HMBOX1: variants seen among roughly 807,000 people sequenced by gnomAD.
HMBOX1 encodes homeobox-containing protein 1.
A neutral mutation model predicts 54.5 loss-of-function variants in HMBOX1; 14 were observed. The observed-to-expected ratio is 0.26, with a 90% CI of 0.17 to 0.40. The LOEUF (loss-of-function observed/expected upper bound fraction) is 0.40, where lower values mean the gene tolerates loss of function less well. Among genes scored for constraint, HMBOX1 ranks in the 10% least tolerant of loss-of-function variants. The probability of loss-of-function intolerance (pLI) is 1.00; values close to 1 mark genes in which losing one functional copy is unlikely to be tolerated. For synonymous variants in HMBOX1, 160 were observed against 181.0 expected (o/e 0.88, Z 0.93); for missense variants, 332 against 514.4 (o/e 0.65, Z 3.43).
At chr8:29,022,562 T>C (rs944749293) in intron 6 of HMBOX1, among the ~76,000 whole-genome samples, 1 of 152,202 alleles carries the variant, frequency 6.6e-6, no homozygotes, top group African/African-American at 2.4e-5. Flanking sequence ...CATCCATGTA[T>C]TGGATGTTGA....
At chr8:29,038,800 G>C (rs1804347384) in intron 6 of HMBOX1, among the ~76,000 whole-genome samples, 1 of 152,166 alleles carries the variant, frequency 6.6e-6, no homozygotes, top group South Asian at 2.1e-4. Context: ...AAATAAGTTT[G>C]ATCTTAGAAT....
chr8:28,980,409 G>A (rs1161016546), intron 4 of HMBOX1, among the ~76,000 whole-genome samples: 1 of 152,104 alleles, frequency 6.6e-6, no homozygotes, highest in Non-Finnish European at 1.5e-5. Flanking sequence ...GCTAGAAAAG[G>A]TTCCTATAGT....
intron 6 of HMBOX1, among the ~76,000 whole-genome samples, chr8:29,043,943 A>G (rs939372533): frequency 6.6e-6 from 1 of 152,162 alleles, no homozygotes; most frequent in African/African-American, 2.4e-5. Flanking sequence ...GCAGAAGACC[A>G]TGGTGGAGGG....
chr8:28,941,723 A>C (rs2132025132), intron 1 of HMBOX1, among the ~76,000 whole-genome samples: 1 of 152,366 alleles, frequency 6.6e-6, no homozygotes. Context: ...AAGTTTAAAA[A>C]AAAATTCAGT....
intron 1 of HMBOX1, among the ~76,000 whole-genome samples, chr8:28,900,292 T>TATA (rs1554519284): frequency 4.7e-5 from 4 of 84,584 alleles, no homozygotes; most frequent in Non-Finnish European, 1.1e-4. Context: ...ATATATATAT[T>TATA]TTGTTTCCTG....
chr8:28,951,374 G>A (rs978822772), intron 1 of HMBOX1, among the ~76,000 whole-genome samples: 3 of 152,014 alleles, frequency 2.0e-5, no homozygotes, highest in Non-Finnish European at 4.4e-5. Flanking sequence ...CTTATGATCC[G>A]CCCACCTCAG....
intron 1 of HMBOX1, among the ~76,000 whole-genome samples, chr8:28,901,164 T>A (rs1219960958): frequency 6.6e-6 from 1 of 152,170 alleles, no homozygotes; most frequent in Admixed American, 6.5e-5. Flanking sequence ...CCTGTTCTTT[T>A]TCCTAGGTAA....
At chr8:28,984,124 G>A (rs1829828156) in intron 4 of HMBOX1, among the ~76,000 whole-genome samples, 1 of 152,162 alleles carries the variant, frequency 6.6e-6, no homozygotes, top group Non-Finnish European at 1.5e-5. Context: ...TGGTCACCTA[G>A]AGCTCACTCC....
intron 4 of HMBOX1, among the ~76,000 whole-genome samples, chr8:28,996,848 C>CTT (rs1287684166): frequency 6.6e-6 from 1 of 152,018 alleles, no homozygotes. Flanking sequence ...GTATTTTATT[C>CTT]TTTTTGATGC....
intron 4 of HMBOX1, among the ~76,000 whole-genome samples, chr8:28,995,962 C>T (rs561491501): frequency 7.2e-5 from 11 of 152,018 alleles, no homozygotes; most frequent in African/African-American, 2.7e-4. Context: ...AAACATTAGC[C>T]GGGCGTGGTG....
rs1259373569 is a variant in HMBOX1 at position 28,963,825 on chromosome 8, C to T, written c.-43C>T. ...TTGTTCTACAGAATGGTAGATAACGCAGATCATCTCTGGAAAGGATATTGA... is the reference window on the plus strand; with the variant it reads ...TTGTTCTACAGAATGGTAGATAACGTAGATCATCTCTGGAAAGGATATTGA... On this transcript the variant is annotated 5_prime_UTR_variant, in exon 2 of 10. Coordinates refer to ENST00000287701, the MANE Select transcript of HMBOX1 (RefSeq NM_001135726.3). The T allele has an allele frequency of 1.3e-6, 2 of 1,528,648 alleles. No individual in the cohort carries two copies. Among genetic ancestry groups the T allele is most frequent in the Non-Finnish European group, 1.8e-6 (2 of 1,114,786 alleles). 94.7% of individuals were successfully genotyped at this position (1,528,648 alleles called of 1,614,324 possible).
At chr8:28,906,535 A>G (rs1187970604) in intron 1 of HMBOX1, among the ~76,000 whole-genome samples, 5 of 152,216 alleles carry the variant, frequency 3.3e-5, no homozygotes, top group African/African-American at 1.2e-4. Flanking sequence ...CTTTTCAAAC[A>G]TGACGTATGT....
Position 29,049,312 on chromosome 8 carries a change from G to GGGA in HMBOX1, c.1125+276_1125+278dup, listed in dbSNP as rs769343457. 6.5e-6 allele frequency: 10 copies of GGGA among 1,535,356 alleles called. No homozygotes were observed. The Admixed American group carries it at 1.2e-4, about 18-fold the overall frequency. On this transcript the variant is annotated intron_variant, in intron 9 of 9. Transcript: ENST00000287701. ...CAGGATACTTGGCAAGTACGCAATGGGGAGGAGGAGGAGGGAAGAAGTTCA... is the reference window on the plus strand; with the variant it reads ...CAGGATACTTGGCAAGTACGCAATGGGGAGGAGGAGGAGGAGGGAAGAAGTTCA...
chr8:28,956,710 A>C (rs1027021667), intron 1 of HMBOX1, among the ~76,000 whole-genome samples: 3 of 152,180 alleles, frequency 2.0e-5, no homozygotes, highest in African/African-American at 7.2e-5. Flanking sequence ...ATTTCATTAC[A>C]GTGGCTTTTG....
intron 5 of HMBOX1, among the ~76,000 whole-genome samples, chr8:29,013,287 C>T (rs764990433): frequency 1.1e-4 from 17 of 152,270 alleles, no homozygotes; most frequent in South Asian, 4.2e-4. Context: ...AGGCACGTGC[C>T]GCCACGCCCA....
intron 1 of HMBOX1, chr8:28,891,754 T>TG (rs1811030903): frequency 6.6e-6 from 1 of 152,276 alleles, no homozygotes; most frequent in East Asian, 1.9e-4. Context: ...TGCATTTGCC[T>TG]GAAAGCTGGT....
At chr8:28,951,359 T>C (rs1284911729) in intron 1 of HMBOX1, among the ~76,000 whole-genome samples, 2 of 152,096 alleles carry the variant, frequency 1.3e-5, no homozygotes, top group Admixed American at 6.5e-5. Context: ...TCTCGATCTC[T>C]TGACCTTATG....
intron 9 of HMBOX1, chr8:29,049,373 G>A (rs761847983): frequency 6.5e-6 from 10 of 1,533,630 alleles, no homozygotes; most frequent in Non-Finnish European, 8.7e-6. Flanking sequence ...TAGAAGAAGA[G>A]AGGAGGATCT....
chr8:28,893,603 C>T (rs1300392218), intron 1 of HMBOX1, among the ~76,000 whole-genome samples: 2 of 152,156 alleles, frequency 1.3e-5, no homozygotes, highest in African/African-American at 4.8e-5. Context: ...AGTCTTCTAG[C>T]CCAAATCCTC....
Sources: allele counts gnomAD v4.1 joint callset (sites outside exome capture counted in the v4.1 genomes callset), GRCh38; gene constraint gnomAD v4.1.1; transcripts MANE v1.5; gene names NCBI Gene and HGNC (gene_info 2026-07-23, HGNC 2026-07-21).